Variants in PHF2 observed in about 807,000 individuals in gnomAD.
PHF2 encodes lysine-specific demethylase PHF2.
A neutral mutation model predicts 120.5 loss-of-function variants in PHF2; 27 were observed. That is an observed-to-expected ratio of 0.22 (90% CI 0.17 to 0.31). The LOEUF (loss-of-function observed/expected upper bound fraction) is 0.31. PHF2 is among the 10% of genes least tolerant of loss of function. The probability of loss-of-function intolerance (pLI) is 1.00; values close to 1 mark genes in which losing one functional copy is unlikely to be tolerated. For synonymous variants in PHF2, 568 were observed against 592.5 expected (o/e 0.96, Z 0.60); for missense variants, 1,024 against 1,434.8 (o/e 0.71, Z 4.63).
chr9:93,676,180 A>G (rs191428483), intron 20 of PHF2, among the ~76,000 whole-genome samples: 3 of 152,104 alleles, frequency 2.0e-5, no homozygotes, highest in East Asian at 1.9e-4. Context: ...CTCATCTCCC[A>G]CCTTTAGCTC....
rs189796131 is a variant in PHF2 at position 93,679,156 on chromosome 9, A to C, written c.*1480A>C. 2.3e-6 allele frequency: 1 copy of C among 426,996 alleles called. No homozygotes were observed. Among genetic ancestry groups the C allele is most frequent in the East Asian group, 7.2e-5 (1 of 13,974 alleles). 26.5% of individuals were successfully genotyped at this position (426,996 alleles called of 1,614,324 possible). On this transcript the variant is annotated 3_prime_UTR_variant, in exon 22 of 22. Coordinates refer to ENST00000359246, the MANE Select transcript of PHF2 (RefSeq NM_005392.4). ...AGCTTTTTATATTTGTACATTTCTT[A>C]TGAGCTTTGTTTATATACCCATTAC...
intron 2 of PHF2, 93 bp from the exon 3 acceptor site, chr9:93,636,318 G>A: frequency 1.1e-6 from 1 of 909,596 alleles, no homozygotes; most frequent in Non-Finnish European, 1.7e-6. Context: ...GGAGTTGTTA[G>A]TAGGCTGGGT....
At chr9:93,606,527 T>C (rs1332384606) in intron 1 of PHF2, among the ~76,000 whole-genome samples, 2 of 152,222 alleles carry the variant, frequency 1.3e-5, no homozygotes, top group Non-Finnish European at 2.9e-5. Flanking sequence ...GAAGTGTTTG[T>C]TTAGTTATTT....
At chr9:93,673,265 A>T (rs185317141) in intron 17 of PHF2, among the ~76,000 whole-genome samples, 38 of 152,006 alleles carry the variant, frequency 2.5e-4, no homozygotes, top group Non-Finnish European at 4.6e-4. Flanking sequence ...GTGAGAGACC[A>T]GTGCGTGACC....
In PHF2 at chr9:93,665,978, C is replaced by T; in HGVS notation, c.2117-12C>T. On this transcript the variant is annotated splice_polypyrimidine_tract_variant and intron_variant, in intron 15 of 21. Coordinates refer to ENST00000359246, the MANE Select transcript of PHF2 (RefSeq NM_005392.4). ...AGGCCTCCCGCTGGACTGCCATCTG[C>T]TGTGCTTTCAGTCTTGTTGGATAAG... The T allele has an allele frequency of 6.2e-7, 1 of 1,613,400 alleles. No individual in the cohort carries two copies. Among genetic ancestry groups the T allele is most frequent in the South Asian group, 1.1e-5 (1 of 91,074 alleles).
At chr9:93,663,803 C>T (rs1427443096) in intron 14 of PHF2, among the ~76,000 whole-genome samples, 168 bp downstream of exon 14, 3 of 152,168 alleles carry the variant, frequency 2.0e-5, no homozygotes, top group African/African-American at 7.2e-5. Context: ...CACAACCATA[C>T]ACACTGCACA....
chr9:93,636,248 T>G (rs920845899), intron 2 of PHF2, among the ~76,000 whole-genome samples, 163 bp from the exon 3 acceptor site: 1 of 152,034 alleles, frequency 6.6e-6, no homozygotes, highest in Non-Finnish European at 1.5e-5. Flanking sequence ...CCTCCCTATG[T>G]GCATGGCAGG....
rs571815460 is a variant in PHF2, at chr9:93,635,009, T to A, written c.185-1402T>A. On this transcript the variant is annotated intron_variant, in intron 2 of 21. Transcript: ENST00000359246. ...GACGAGGCACAGAGCTGTCAAGTAA[T>A]TTGCCCAAGGTCACACAGCTGGAAG... Among the ~76,000 whole-genome samples the A allele has an allele frequency of 2.0e-4, 31 of 152,282 alleles. No homozygotes were observed. In the South Asian group the frequency reaches 4.4e-3, roughly 21 times the overall value.
intron 12 of PHF2, 121 bp from the exon 13 acceptor site, chr9:93,662,786 A>T: frequency 9.0e-7 from 1 of 1,108,474 alleles, no homozygotes; most frequent in Non-Finnish European, 1.3e-6. Context: ...GTGGATGGGT[A>T]GATGGATGGA....
At chr9:93,606,599 G>T (rs1825547523) in intron 1 of PHF2, among the ~76,000 whole-genome samples, 1 of 152,234 alleles carries the variant, frequency 6.6e-6, no homozygotes, top group Non-Finnish European at 1.5e-5. Context: ...TTGGATAACA[G>T]TCCTTTAACA....
chr9:93,665,668 C>A lies in PHF2; in HGVS notation c.1938-18C>A, dbSNP rs1233080678. 3.1e-6 allele frequency: 5 copies of A among 1,611,612 alleles called. No homozygotes were observed. Among genetic ancestry groups the A allele is most frequent in the Non-Finnish European group, 4.2e-6 (5 of 1,178,954 alleles). On this transcript the variant is annotated intron_variant, in intron 14 of 21. Transcript: ENST00000359246. ...TGGGGCTATGTGGATGCTGCTGACC[C>A]ACTCGCTTCTGCCCTAGCTCCAAGG...
intron 1 of PHF2, among the ~76,000 whole-genome samples, chr9:93,594,534 CT>C (rs1825295834): frequency 6.6e-6 from 1 of 152,200 alleles, no homozygotes; most frequent in Non-Finnish European, 1.5e-5. Context: ...CAAGGGTCTA[CT>C]GCAAGTGGGG....
chr9:93,587,278 G>A (rs146568949), intron 1 of PHF2, among the ~76,000 whole-genome samples: 2,216 of 145,416 alleles, frequency 0.015, 24 homozygotes, highest in Non-Finnish European at 0.024. Flanking sequence ...GAGGGATGAC[G>A]GAGGAGCCCT....
chr9:93,675,874 C>G, intron 20 of PHF2, 85 bp downstream of exon 20: 3 of 984,514 alleles, frequency 3.0e-6, no homozygotes, highest in Non-Finnish European at 4.7e-6. Context: ...GCACCTGTTT[C>G]TCCACCCCAT....
chr9:93,667,407 G>C (rs564717784), intron 17 of PHF2, among the ~76,000 whole-genome samples, 167 bp downstream of exon 17: 1 of 152,254 alleles, frequency 6.6e-6, no homozygotes, highest in South Asian at 2.1e-4. Flanking sequence ...GGACTGGTTC[G>C]TCCCACTGGG....
chr9:93,627,950 A>G (rs561259345), intron 1 of PHF2, among the ~76,000 whole-genome samples: 22 of 152,192 alleles, frequency 1.4e-4, no homozygotes, highest in Non-Finnish European at 3.2e-4. Flanking sequence ...TCCAGGGTGA[A>G]GGAAAGAGAA....
At chr9:93,611,097 T>C (rs1265947563) in intron 1 of PHF2, among the ~76,000 whole-genome samples, 1 of 152,210 alleles carries the variant, frequency 6.6e-6, no homozygotes, top group Non-Finnish European at 1.5e-5. Context: ...TTGCATTCTA[T>C]ACAGATTTAT....
intron 11 of PHF2, 90 bp from the exon 12 acceptor site, chr9:93,660,102 A>G: frequency 7.0e-7 from 1 of 1,426,804 alleles, no homozygotes; most frequent in East Asian, 2.5e-5. Flanking sequence ...CCAGCCTGGC[A>G]CTGAGTGTCT....
Position 93,667,078 on chromosome 9 carries a change from A to G in PHF2, c.2188-2A>G. On this transcript the variant is annotated splice_acceptor_variant, in intron 16 of 21. Coordinates refer to ENST00000359246, the MANE Select transcript of PHF2 (RefSeq NM_005392.4). LOFTEE classifies it high-confidence loss of function. ...ACCGAAGCCCTGTCCCTCGCGCAGC[A>G]GAGTGATGACTCCTCGGACGAGGGT... The G allele has an allele frequency of 6.2e-7, 1 of 1,611,624 alleles. No individual in the cohort carries two copies. Among genetic ancestry groups the G allele is most frequent in the African/African-American group, 1.3e-5 (1 of 75,006 alleles).
Sources: gnomAD v4.1 joint callset for allele counts (sites outside exome capture counted in the v4.1 genomes callset) on GRCh38, gnomAD v4.1.1 for gene constraint, MANE v1.5 for transcripts, NCBI Gene and HGNC (gene_info 2026-07-23, HGNC 2026-07-21) for gene names.